Variants in IDI1 observed in about 807,000 individuals in gnomAD.
IDI1 encodes the protein isopentenyl-diphosphate Delta-isomerase 1.
A neutral mutation model predicts 32.9 loss-of-function variants in IDI1; 23 were observed. The ratio of observed to expected loss-of-function variants is 0.70; its 90% CI spans 0.50 to 0.99. The LOEUF is 0.99. Among genes scored for constraint, IDI1 ranks in the 50% least tolerant of loss-of-function variants. The pLI is 0.00. For missense variants in IDI1, 326 were observed against 351.9 expected (o/e 0.93, Z 0.59); for synonymous variants, 133 against 128.2 (o/e 1.04, Z -0.25).
At chr10:1,052,593 C>CTT (rs928816650), upstream of IDI1, among the ~76,000 whole-genome samples, 1 of 150,078 alleles carries the variant, frequency 6.7e-6, no homozygotes, top group Non-Finnish European at 1.5e-5. Context: ...GAAACGAAAT[C>CTT]TTTTTTTTTT....
the IDI1 span, chr10:1,056,621 C>G: frequency 0.99 from 151,200 of 152,402 alleles, 75,011 homozygotes; most frequent in Middle Eastern, 1. Context: ...GGCAGGAGTA[C>G]GTGACCAAGG....
At chr10:1,044,238 TTAA>T in intron 1 of IDI1, 67 bp from the exon 2 acceptor site, 2 of 1,196,084 alleles carry the variant, frequency 1.7e-6, no homozygotes, top group South Asian at 1.4e-5. Flanking sequence ...TAAACACAGG[TTAA>T]TAATGATGCT....
rs1334340221 is a variant in IDI1, at chr10:1,048,886, C to T, written c.118G>A (p.Val40Ile). Residue 40 changes from valine (V) to isoleucine (I), a missense_variant, in exon 1 of 5, where the codon GTC becomes ATC. This residue lies in a region of IDI1 where 121 missense variants were observed against 78.4 expected (regional missense o/e 1.54). Coordinates refer to ENST00000381344, the MANE Select transcript of IDI1 (RefSeq NM_004508.4). ...QSGRHPGPAV[V>I]CGRRLISVLE... The stretch of plus-strand genomic sequence containing the variant: ...TACCTGATCAGCCTCCGGCCACAGA[C>T]AACCGCCGGTCCCGGATGGCGCCCG... 2 of 1,604,230 alleles carry T rather than the reference C, an allele frequency of 1.2e-6. No individual in the cohort carries two copies. Among genetic ancestry groups the T allele is most frequent in the South Asian group, 1.1e-5 (1 of 90,738 alleles).
intron 2 of IDI1, 140 bp downstream of exon 2, chr10:1,043,859 C>T (rs1832705915): frequency 2.8e-6 from 2 of 709,898 alleles, no homozygotes; most frequent in East Asian, 5.2e-5. Flanking sequence ...TGCTAATGAC[C>T]ACACTATTTA....
chr10:1,045,325 G>GT (rs1009276497), intron 1 of IDI1, among the ~76,000 whole-genome samples: 55 of 152,276 alleles, frequency 3.6e-4, no homozygotes, highest in African/African-American at 1.3e-3. Context: ...TGACCTTGAA[G>GT]TTTTTTATTC....
upstream of IDI1, among the ~76,000 whole-genome samples, chr10:1,053,716 G>C (rs1053517477): frequency 6.6e-6 from 1 of 152,026 alleles, no homozygotes; most frequent in African/African-American, 2.4e-5. Context: ...GCCATTTTAG[G>C]GCTATTAATT....
Position 1,044,003 on chromosome 10 carries a change from C to G in IDI1, c.309G>C (p.Glu103Asp). ...AAGACTGTTTCAAAGCAGCACCTTT[C>G]TCAATGTTCTCGTTCAGGTGACAAT... ...KKNCHLNENI[E>D]KGLLHRAFSV... The change falls in exon 2 of 5, where the codon GAG (glutamate) becomes GAC (aspartate). Residue 103 changes from glutamate to aspartate, a missense_variant. This residue lies in a region of IDI1 where 205 missense variants were observed against 273.5 expected (regional missense o/e 0.75). Transcript: ENST00000381344. The G allele has an allele frequency of 1.2e-6, 2 of 1,610,318 alleles. No homozygotes were observed. The highest frequency in any genetic ancestry group is 1.7e-6 in the Non-Finnish European group (2 of 1,178,840).
chr10:1,043,311 A>C lies in IDI1; in HGVS notation c.396T>G (p.Ile132Met), dbSNP rs770974282. The change falls in exon 3 of 5, where the codon ATT becomes ATG. Residue 132 changes from isoleucine (I) to methionine (M), a missense_variant. By Grantham distance (10) the Ile-to-Met change is conservative. Coordinates refer to ENST00000381344, the MANE Select transcript of IDI1 (RefSeq NM_004508.4). ...TAAAAGTGTACTAACCTGGAAAGGTAATCTTAGCATCTGATCTTTGCTGTA... is the reference window on the plus strand; with the variant it reads ...TAAAAGTGTACTAACCTGGAAAGGTCATCTTAGCATCTGATCTTTGCTGTA... ...LLLQQRSDAK[I>M]TFPGCFTNTC... The C allele has an allele frequency of 1.6e-5, 26 of 1,589,532 alleles. No individual in the cohort carries two copies. The highest frequency in any genetic ancestry group is 2.2e-5 in the Non-Finnish European group (25 of 1,158,002).
chr10:1,044,030 C>A lies in IDI1; in HGVS notation c.282G>T (p.Lys94Asn). ...CAATGTTCTCGTTCAGGTGACAATT[C>A]TTCTTGGTCTCAGCTCCAATTTTAT... ...NDNKIGAETK[K>N]NCHLNENIEK... The change falls in exon 2 of 5, where the codon AAG (lysine) becomes AAT (asparagine). Residue 94 changes from lysine to asparagine, a missense_variant. This residue lies in a region of IDI1 where 205 missense variants were observed against 273.5 expected (regional missense o/e 0.75). Coordinates refer to ENST00000381344, the MANE Select transcript of IDI1 (RefSeq NM_004508.4). 6.2e-7 allele frequency: 1 copy of A among 1,612,366 alleles called. No homozygotes were observed. The highest frequency in any genetic ancestry group is 8.5e-7 in the Non-Finnish European group (1 of 1,179,354).
chr10:1,052,789 T>G (rs1020307587), upstream of IDI1, among the ~76,000 whole-genome samples: 2 of 152,174 alleles, frequency 1.3e-5, no homozygotes, highest in Non-Finnish European at 2.9e-5. Flanking sequence ...CAACATAAAG[T>G]CATCAGCTGC....
intron 1 of IDI1, chr10:1,048,522 C>T: frequency 7.9e-7 from 1 of 1,272,404 alleles, no homozygotes; most frequent in South Asian, 1.5e-5. Context: ...GGGAGACTCG[C>T]AACTCTTAGT....
At chr10:1,049,289 G>T, upstream of IDI1, 1 of 460,020 alleles carries the variant, frequency 2.2e-6, no homozygotes, top group Admixed American at 4.4e-5. Flanking sequence ...GGTGCCTAAC[G>T]TCAGACGTCT....
At chr10:1,049,254 C>T (rs1048915893), upstream of IDI1, 4 of 563,018 alleles carry the variant, frequency 7.1e-6, no homozygotes, top group African/African-American at 2.0e-5. Context: ...TCGATCCTGC[C>T]GTGCGAGCCC....
Position 1,044,591 on chromosome 10 carries a change from T to C in IDI1, c.141-420A>G, listed in dbSNP as rs952364286. On this transcript the variant is annotated intron_variant, in intron 1 of 4. Transcript: ENST00000381344. Reference sequence around the variant, plus strand: ...ATCCTGAATTGTTTTTCCCACTGCCTGTCTCTGCATAGTTGCTCAAGATTG... The same window carrying C: ...ATCCTGAATTGTTTTTCCCACTGCCCGTCTCTGCATAGTTGCTCAAGATTG... Among the ~76,000 whole-genome samples, 98 of 152,230 alleles carry C rather than the reference T, an allele frequency of 6.4e-4. 1 individual carries two copies. The highest frequency in any genetic ancestry group is 2.2e-3 in the African/African-American group (93 of 41,464).
rs1274679769 is a variant in IDI1 at position 1,041,262 on chromosome 10, A to G, written c.780T>C (p.Thr260=). 6.2e-7 allele frequency: 1 copy of G among 1,613,458 alleles called. No homozygotes were observed. The highest frequency in any genetic ancestry group is 8.5e-7 in the Non-Finnish European group (1 of 1,179,466). The part of the protein sequence containing the change: ...ITPWFKIIAA[T]FLFKWWDNLN... ...AGTTATCCCACCATTTAAAGAGAAA[A>G]GTCGCTGCAATAATTTTAAACCATG... Residue 260 remains threonine (T), a synonymous_variant, in exon 5 of 5, where the codon ACT becomes ACC. Transcript: ENST00000381344.
chr10:1,043,161 T>C lies in IDI1; in HGVS notation c.406+140A>G, dbSNP rs1415590078. 4 of 616,238 alleles carry C rather than the reference T, an allele frequency of 6.5e-6. No individual in the cohort carries two copies. The Admixed American group carries it at 1.2e-4, about 18-fold the overall frequency. 38.2% of individuals were successfully genotyped at this position (616,238 alleles called of 1,614,324 possible). Reference sequence around the variant, plus strand: ...TGCTGTTGTATTAGGTTGCACTCATTGTGTAAACTCACTTTATGCAGAATA... The same window carrying C: ...TGCTGTTGTATTAGGTTGCACTCATCGTGTAAACTCACTTTATGCAGAATA... On this transcript the variant is annotated intron_variant, in intron 3 of 4. Transcript: ENST00000381344.
At chr10:1,043,245 G>T in intron 3 of IDI1, 56 bp downstream of exon 3, 1 of 1,060,632 alleles carries the variant, frequency 9.4e-7, no homozygotes, top group South Asian at 1.3e-5. Flanking sequence ...AATTCAGAAT[G>T]ATAAAAAGTC....
chr10:1,041,344 T>G lies in IDI1; in HGVS notation c.698A>C (p.Lys233Thr). 6.2e-7 allele frequency: 1 copy of G among 1,613,840 alleles called. No individual in the cohort carries two copies. Among genetic ancestry groups the G allele is most frequent in the Middle Eastern group, 1.7e-4 (1 of 6,058 alleles). Residue 233 changes from lysine (K) to threonine (T), a missense_variant, in exon 5 of 5, where the codon AAG (lysine) becomes ACG (threonine). By Grantham distance (78) the Lys-to-Thr change is moderately conservative. Coordinates refer to ENST00000381344, the MANE Select transcript of IDI1 (RefSeq NM_004508.4). Reference sequence around the variant, plus strand: ...TTTCAGAAGTTCTTTTAGTTCTTCCTTTGACACATAACAATAGCTTTTAAT... The same window carrying G: ...TTTCAGAAGTTCTTTTAGTTCTTCCGTTGACACATAACAATAGCTTTTAAT... ...NEIKSYCYVS[K>T]EELKELLKKA...
intron 1 of IDI1, among the ~76,000 whole-genome samples, chr10:1,046,089 A>G (rs1156606218): frequency 6.6e-6 from 1 of 152,254 alleles, no homozygotes; most frequent in Non-Finnish European, 1.5e-5. Flanking sequence ...CCTTTGGTAT[A>G]TATGGGAGTT....
Sources: gnomAD v4.1 joint callset for allele counts (sites outside exome capture counted in the v4.1 genomes callset) on GRCh38, gnomAD v4.1.1 for gene constraint, gnomAD v4.1.1 regional missense constraint, MANE v1.5 for transcripts, NCBI Gene and HGNC (gene_info 2026-07-23, HGNC 2026-07-21) for gene names.